RNF121: variants seen among roughly 807,000 people sequenced by gnomAD.
RNF121 encodes E3 ubiquitin ligase RNF121.
Under a neutral mutation model 46.5 loss-of-function variants are expected in RNF121, and 21 were observed. The ratio of observed to expected loss-of-function variants is 0.45; its 90% CI spans 0.32 to 0.65. RNF121 has a LOEUF of 0.65. Ranked by LOEUF, RNF121 falls within the 30% of genes least tolerant of loss-of-function variation. The probability of loss-of-function intolerance (pLI) is 0.04; values close to 1 mark genes in which losing one functional copy is unlikely to be tolerated. For synonymous variants in RNF121, 139 were observed against 144.7 expected, an observed-to-expected ratio of 0.96 and a Z score of 0.28; for missense variants, 346 against 416.0, an observed-to-expected ratio of 0.83 and a Z score of 1.46.
intron 1 of RNF121, among the ~76,000 whole-genome samples, chr11:71,943,780 A>T: frequency 6.6e-6 from 1 of 152,212 alleles, no homozygotes; most frequent in East Asian, 1.9e-4. Flanking sequence ...GAAATTAACC[A>T]GCTAAAGAAA....
intron 2 of RNF121, 59 bp from the exon 3 acceptor site, chr11:71,960,691 C>T: frequency 6.4e-7 from 1 of 1,572,010 alleles, no homozygotes; most frequent in Non-Finnish European, 8.7e-7. Context: ...CTGGAAAGCA[C>T]TGTCCCTTTA....
At chr11:71,948,640 T>G (rs1372745781) in intron 1 of RNF121, among the ~76,000 whole-genome samples, 1 of 152,024 alleles carries the variant, frequency 6.6e-6, no homozygotes, top group African/African-American at 2.4e-5. Context: ...ACATCTACTT[T>G]CACTTCACTG....
intron 1 of RNF121, among the ~76,000 whole-genome samples, chr11:71,944,050 G>C (rs1039247596): frequency 3.9e-5 from 6 of 152,248 alleles, no homozygotes; most frequent in Middle Eastern, 3.4e-3. Context: ...AACTTAGGTT[G>C]GCTGGGCACG....
At chr11:71,935,846 C>CTTTTTTTTTT (rs994241423) in intron 1 of RNF121, among the ~76,000 whole-genome samples, 2 of 114,722 alleles carry the variant, frequency 1.7e-5, no homozygotes, top group Non-Finnish European at 1.8e-5. Flanking sequence ...TATTCTTTTT[C>CTTTTTTTTTT]TTTTTTTTTT....
intron 6 of RNF121, among the ~76,000 whole-genome samples, chr11:71,992,466 C>T (rs934130379): frequency 9.2e-5 from 14 of 152,246 alleles, no homozygotes; most frequent in Admixed American, 2.6e-4. Flanking sequence ...TTAGTGATGT[C>T]TTTGTGACAG....
intron 3 of RNF121, among the ~76,000 whole-genome samples, chr11:71,981,360 T>G (rs1310121674): frequency 6.6e-6 from 1 of 152,224 alleles, no homozygotes; most frequent in African/African-American, 2.4e-5. Flanking sequence ...GAGTAAATAC[T>G]TTCTTAGTTT....
intron 2 of RNF121, among the ~76,000 whole-genome samples, chr11:71,959,086 A>G (rs1278054599): frequency 6.6e-6 from 1 of 152,234 alleles, no homozygotes; most frequent in African/African-American, 2.4e-5. Context: ...ATTGTGATAT[A>G]CAGATGTGAG....
chr11:71,986,406 A>G (rs1954771980), intron 4 of RNF121, among the ~76,000 whole-genome samples: 1 of 152,248 alleles, frequency 6.6e-6, no homozygotes, highest in African/African-American at 2.4e-5. Flanking sequence ...GTCTAAGGTC[A>G]GCTGTGCTCC....
At chr11:71,955,422 C>CTG (rs1348211265) in intron 1 of RNF121, among the ~76,000 whole-genome samples, 2 of 152,112 alleles carry the variant, frequency 1.3e-5, no homozygotes, top group Non-Finnish European at 2.9e-5. Flanking sequence ...CCAAATGATG[C>CTG]TGATACTGCC....
Position 71,950,552 on chromosome 11 carries a change from C to G in RNF121, c.64-6675C>G, listed in dbSNP as rs538482854. On this transcript the variant is annotated intron_variant, in intron 1 of 8. Coordinates refer to ENST00000361756, the MANE Select transcript of RNF121 (RefSeq NM_018320.5). The stretch of plus-strand genomic sequence containing the variant: ...TGAACCGAGATCATGCCATCGCACT[C>G]CAGTCTGGGCGACACGACAGAGCAA... Among the ~76,000 whole-genome samples the G allele has an allele frequency of 2.0e-5, 3 of 151,870 alleles. No individual in the cohort carries two copies. In the East Asian group the frequency reaches 5.9e-4, roughly 30 times the overall value.
chr11:71,967,461 T>A (rs925420620), intron 3 of RNF121, among the ~76,000 whole-genome samples: 2 of 150,808 alleles, frequency 1.3e-5, no homozygotes, highest in African/African-American at 4.9e-5. Flanking sequence ...GCGATTCTTC[T>A]GCCTCAGCCT....
chr11:71,982,658 A>G, intron 3 of RNF121, 103 bp from the exon 4 acceptor site: 1 of 1,294,482 alleles, frequency 7.7e-7, no homozygotes, highest in Non-Finnish European at 1.0e-6. Flanking sequence ...TTGTAAATAC[A>G]GGAGAGGATC....
chr11:71,940,226 A>G (rs571370203), intron 1 of RNF121, among the ~76,000 whole-genome samples: 1 of 152,216 alleles, frequency 6.6e-6, no homozygotes, highest in Non-Finnish European at 1.5e-5. Flanking sequence ...AGAGAAAACC[A>G]TGTTTCTTGC....
chr11:71,943,324 A>G (rs1953632727), intron 1 of RNF121, among the ~76,000 whole-genome samples: 1 of 152,198 alleles, frequency 6.6e-6, no homozygotes, highest in African/African-American at 2.4e-5. Flanking sequence ...ATTAGGTGCC[A>G]TGTTAATTAG....
intron 1 of RNF121, among the ~76,000 whole-genome samples, chr11:71,953,120 A>G (rs988600353): frequency 2.6e-5 from 4 of 152,150 alleles, no homozygotes; most frequent in African/African-American, 9.7e-5. Flanking sequence ...TGCAGCCTCA[A>G]ACTCCTGGGC....
intron 3 of RNF121, among the ~76,000 whole-genome samples, chr11:71,967,353 T>TG (rs918946499): frequency 1.8e-4 from 24 of 135,084 alleles, no homozygotes; most frequent in African/African-American, 2.7e-4. Flanking sequence ...TTTTTTGTTT[T>TG]TTTTTTTTTT....
chr11:71,971,325 A>G (rs1432678514), intron 3 of RNF121, among the ~76,000 whole-genome samples: 1 of 152,224 alleles, frequency 6.6e-6, no homozygotes, highest in Non-Finnish European at 1.5e-5. Flanking sequence ...TTGAGGTTGC[A>G]GTGAGCTGAG....
chr11:71,997,536 C>T lies in RNF121; in HGVS notation c.*1221C>T, dbSNP rs1955013437. 2.0e-5 allele frequency: 3 copies of T among 152,254 alleles called. No individual in the cohort carries two copies. In the South Asian group the frequency reaches 6.2e-4, roughly 32 times the overall value. 9.4% of individuals were successfully genotyped at this position (152,254 alleles called of 1,614,324 possible). A position where few individuals can be genotyped will look rare whatever the true frequency, so the allele number is the denominator to read the frequency against. On this transcript the variant is annotated 3_prime_UTR_variant, in exon 9 of 9. Transcript: ENST00000361756. ...CCTGCCCCTTCAAGGGCAGCAAGAA[C>T]GAAGCAGGATGTTGTCACTCCCGTC...
chr11:71,990,523 T>G (rs1402611264), intron 5 of RNF121, 74 bp from the exon 6 acceptor site: 20 of 1,559,232 alleles, frequency 1.3e-5, no homozygotes, highest in South Asian at 2.4e-5. Flanking sequence ...CCCTGCCTTG[T>G]GTGTCCCAGA....
Sources: allele counts gnomAD v4.1 joint callset (sites outside exome capture counted in the v4.1 genomes callset), GRCh38; gene constraint gnomAD v4.1.1; transcripts MANE v1.5; gene names NCBI Gene and HGNC (gene_info 2026-07-23, HGNC 2026-07-21).